The following MRPS31 variants were observed in gnomAD, a reference collection of about 807,000 sequenced individuals.
MRPS31 encodes mitochondrial ribosomal protein S31, also known as small ribosomal subunit protein mS31.
MRPS31 carries 32 observed loss-of-function variants against 43.1 expected under a neutral mutation model. The ratio of observed to expected loss-of-function variants is 0.74; its 90% confidence interval spans 0.56 to 1.00. The LOEUF (loss-of-function observed/expected upper bound fraction) is 1.00. Ranked by LOEUF, MRPS31 falls within the 50% of genes least tolerant of loss-of-function variation. MRPS31 has a pLI of 0.00. For synonymous variants in MRPS31, 165 were observed against 161.6 expected (o/e 1.02, Z -0.16); for missense variants, 437 against 466.7 (o/e 0.94, Z 0.59).
intron 6 of MRPS31, among the ~76,000 whole-genome samples, chr13:40,744,374 G>T (rs1880182634): frequency 6.6e-6 from 1 of 151,944 alleles, no homozygotes; most frequent in Non-Finnish European, 1.5e-5. Flanking sequence ...TAAAAAAATA[G>T]GAAGAAAACA....
At chr13:40,743,578 A>G (rs554014491) in intron 6 of MRPS31, among the ~76,000 whole-genome samples, 3 of 152,282 alleles carry the variant, frequency 2.0e-5, no homozygotes, top group African/African-American at 7.2e-5. Flanking sequence ...AGACATACAC[A>G]TGGCCAGCAA....
chr13:40,758,789 A>G (rs775494100), intron 3 of MRPS31, among the ~76,000 whole-genome samples, 159 bp downstream of exon 3: 4 of 152,212 alleles, frequency 2.6e-5, no homozygotes, highest in African/African-American at 4.8e-5. Context: ...TACTTAAGAC[A>G]TAAGTTTTTT....
intron 6 of MRPS31, among the ~76,000 whole-genome samples, chr13:40,732,593 G>A (rs894277773): frequency 6.6e-6 from 1 of 152,108 alleles, no homozygotes; most frequent in African/African-American, 2.4e-5. Context: ...AATTAGCCAG[G>A]TGTGGTGGTG....
At chr13:40,743,302 C>T (rs547680887) in intron 6 of MRPS31, among the ~76,000 whole-genome samples, 27 of 148,684 alleles carry the variant, frequency 1.8e-4, no homozygotes, top group Admixed American at 1.0e-3. Flanking sequence ...GCAACAAGAG[C>T]GAAAACTCTG....
chr13:40,758,270 G>A (rs1880591847), intron 3 of MRPS31, among the ~76,000 whole-genome samples: 1 of 152,056 alleles, frequency 6.6e-6, no homozygotes, highest in Non-Finnish European at 1.5e-5. Flanking sequence ...TTCTGCCCAG[G>A]CTGGTCTCAA....
intron 2 of MRPS31, among the ~76,000 whole-genome samples, chr13:40,760,631 CT>C (rs551721594): frequency 0.034 from 4,554 of 133,604 alleles, 140 homozygotes; most frequent in African/African-American, 0.09. Context: ...ACATTTTTTC[CT>C]TTTTTTTTTT....
chr13:40,763,901 T>C (rs1235461345), intron 2 of MRPS31, among the ~76,000 whole-genome samples: 2 of 152,174 alleles, frequency 1.3e-5, no homozygotes, highest in African/African-American at 4.8e-5. Flanking sequence ...TGGGTAAGTG[T>C]ACTGGCCAAG....
rs1277131573 is a variant in MRPS31, at chr13:40,737,634, C to A, written c.959-8033G>T. Among the ~76,000 whole-genome samples, 10 of 152,174 alleles carry A rather than the reference C, an allele frequency of 6.6e-5. 1 individual carries two copies. Among genetic ancestry groups the A allele is most frequent in the Admixed American group, 2.6e-4 (4 of 15,272 alleles). ...AACTAGAACTCAGGATTAAGAATCT[C>A]ACTCAAAACTGCTCAACTACATGGA... On this transcript the variant is annotated intron_variant, in intron 6 of 6. Transcript: ENST00000323563.
chr13:40,760,666 A>G (rs1880671097), intron 2 of MRPS31, among the ~76,000 whole-genome samples: 1 of 150,050 alleles, frequency 6.7e-6, no homozygotes, highest in African/African-American at 2.5e-5. Flanking sequence ...AGGGGTCTCA[A>G]TATGTCGTCA....
intron 5 of MRPS31, chr13:40,749,625 CTTTAT>C (rs1880332224): frequency 6.3e-6 from 1 of 159,154 alleles, no homozygotes; most frequent in Non-Finnish European, 1.4e-5. Flanking sequence ...GCCTGTTTAT[CTTTAT>C]TTTTAGTCTA....
chr13:40,732,671 G>C (rs545435725), intron 6 of MRPS31, among the ~76,000 whole-genome samples: 1 of 152,212 alleles, frequency 6.6e-6, no homozygotes, highest in East Asian at 1.9e-4. Flanking sequence ...CCAGGAGTTT[G>C]AGGCTGCAGT....
At position 40,756,969 on chromosome 13, in the gene MRPS31, G is replaced by A. The variant is rs779757365; in HGVS notation, c.644C>T (p.Thr215Ile). The change falls in exon 4 of 7, where the codon ACA becomes ATA. Residue 215 changes from threonine (T) to isoleucine (I), a missense_variant. Coordinates refer to ENST00000323563, the MANE Select transcript of MRPS31 (RefSeq NM_005830.4). ...ISDMKVARSA[T>I]ARVRSRPELR... Reference sequence around the variant, plus strand: ...CTCTGGTCTTGAACGAACTCTAGCTGTAGCAGATCTGGCAACTTTCATATC... The same window carrying A: ...CTCTGGTCTTGAACGAACTCTAGCTATAGCAGATCTGGCAACTTTCATATC... The A allele has an allele frequency of 8.7e-6, 14 of 1,612,930 alleles. No individual in the cohort carries two copies. Among genetic ancestry groups the A allele is most frequent in the Admixed American group, 1.7e-5 (1 of 59,858 alleles).
chr13:40,760,931 C>G (rs1339700397), intron 2 of MRPS31, among the ~76,000 whole-genome samples: 7 of 151,980 alleles, frequency 4.6e-5, no homozygotes, highest in Admixed American at 3.9e-4. Context: ...AAGGACTTAA[C>G]TAAGTTATGA....
rs148376654 is a variant in MRPS31 at position 40,734,622 on chromosome 13, T to C, written c.959-5021A>G. Among the ~76,000 whole-genome samples, 17 of 152,210 alleles carry C rather than the reference T, an allele frequency of 1.1e-4. No homozygotes were observed. In the East Asian group the frequency reaches 3.3e-3, roughly 29 times the overall value. ...CTTACCATTAAACAGTTTTCCAGGC[T>C]GGGAACAGTGGCTTACACCTGTAAT... On this transcript the variant is annotated intron_variant, in intron 6 of 6. Transcript: ENST00000323563.
chr13:40,767,915 G>A lies in MRPS31; in HGVS notation c.153-882C>T, dbSNP rs370875804. On this transcript the variant is annotated intron_variant, in intron 1 of 6. Transcript: ENST00000323563. ...ATCTAATCTGATCAACATTGTCATC[G>A]AGCTACATGCTACTTAACCCATAAC... Among the ~76,000 whole-genome samples, 5 of 152,144 alleles carry A rather than the reference G, an allele frequency of 3.3e-5. No homozygotes were observed. The East Asian group carries it at 5.8e-4, about 18-fold the overall frequency.
chr13:40,753,541 T>G lies in MRPS31; in HGVS notation c.814+478A>C, dbSNP rs1230848336. 3.9e-5 allele frequency among the ~76,000 whole-genome samples: 6 copies of G among 152,294 alleles called. No individual in the cohort carries two copies. The East Asian group carries it at 1.2e-3, about 29-fold the overall frequency. On this transcript the variant is annotated intron_variant, in intron 5 of 6. Transcript: ENST00000323563. The stretch of plus-strand genomic sequence containing the variant: ...CCCCACCAGGTTACTTAAGAGTGTA[T>G]GTGTGTTGCTTGGATCCTGAAGGCT...
chr13:40,755,649 C>T (rs924513851), intron 4 of MRPS31, among the ~76,000 whole-genome samples: 2 of 152,114 alleles, frequency 1.3e-5, no homozygotes, highest in South Asian at 2.1e-4. Flanking sequence ...GGTTGATATC[C>T]CAGATCCTGC....
chr13:40,757,742 C>CTT (rs374204641), intron 3 of MRPS31, among the ~76,000 whole-genome samples: 12 of 129,568 alleles, frequency 9.3e-5, no homozygotes, highest in Admixed American at 4.7e-4. Context: ...GTGCGCCTGG[C>CTT]TTTTTTTTTT....
chr13:40,732,967 A>T (rs187416657), intron 6 of MRPS31, among the ~76,000 whole-genome samples: 2 of 151,682 alleles, frequency 1.3e-5, no homozygotes, highest in Non-Finnish European at 2.9e-5. Context: ...AACACTAAAA[A>T]GAAGAAGAAC....
Sources: allele counts gnomAD v4.1 joint callset (sites outside exome capture counted in the v4.1 genomes callset), GRCh38; gene constraint gnomAD v4.1.1; transcripts MANE v1.5; gene names NCBI Gene and HGNC (gene_info 2026-07-23, HGNC 2026-07-21).